Variants in GPC6 observed in about 807,000 individuals in gnomAD.
GPC6 encodes glypican 6.
In GPC6, 14 loss-of-function variants were observed where a neutral mutation model predicts 55.2. The ratio of observed to expected loss-of-function variants is 0.25; its 90% CI spans 0.17 to 0.40. The LOEUF (loss-of-function observed/expected upper bound fraction) is 0.40. Among genes scored for constraint, GPC6 ranks in the 10% least tolerant of loss-of-function variants. The pLI, the probability that GPC6 is intolerant of heterozygous loss-of-function variation, is 1.00. For missense variants in GPC6, 641 were observed against 708.5 expected, an observed-to-expected ratio of 0.90 and a Z score of 1.08; for synonymous variants, 278 against 259.6, an observed-to-expected ratio of 1.07 and a Z score of -0.68.
At position 93,830,199 on chromosome 13, in the gene GPC6, A is replaced by G. The variant is rs777987247; in HGVS notation, c.365A>G (p.Asp122Gly). 1.5e-5 allele frequency: 24 copies of G among 1,606,940 alleles called. No homozygotes were observed. Among genetic ancestry groups the G allele is most frequent in the Non-Finnish European group, 2.0e-5 (24 of 1,176,092 alleles). ...LLENAEKSLNDMFVRTYGMLY... is the reference protein window; with the variant it reads ...LLENAEKSLNGMFVRTYGMLY... ...GAGAATGCAGAAAAGTCACTAAATGATATGTTTGTACGGACCTATGGCATG... is the reference window on the plus strand; with the variant it reads ...GAGAATGCAGAAAAGTCACTAAATGGTATGTTTGTACGGACCTATGGCATG... Residue 122 changes from aspartate (D) to glycine (G), a missense_variant, in exon 3 of 9, where the codon GAT becomes GGT. By Grantham distance (94) the Asp-to-Gly change is moderately conservative (BLOSUM62 -1). Transcript: ENST00000377047.
At chr13:93,442,907 A>G (rs1373834) in intron 1 of GPC6, among the ~76,000 whole-genome samples, 47,473 of 152,054 alleles carry the variant, frequency 0.31, 7,549 homozygotes, top group East Asian at 0.36. Context: ...ATAACATTAT[A>G]CCAGCATTTC....
chr13:93,373,240 C>T (rs1213083910), intron 1 of GPC6, among the ~76,000 whole-genome samples: 7 of 152,046 alleles, frequency 4.6e-5, no homozygotes, highest in Non-Finnish European at 1.0e-4. Flanking sequence ...TTTAATGAAC[C>T]CCAAGTTAAT....
chr13:93,338,475 T>C (rs1044461300), intron 1 of GPC6, among the ~76,000 whole-genome samples: 3 of 152,206 alleles, frequency 2.0e-5, no homozygotes, highest in Non-Finnish European at 2.9e-5. Flanking sequence ...GTAGACCTTT[T>C]GAAATTCCAC....
intron 2 of GPC6, among the ~76,000 whole-genome samples, chr13:93,758,882 G>C (rs1282863499): frequency 2.0e-5 from 3 of 151,904 alleles, no homozygotes; most frequent in Non-Finnish European, 4.4e-5. Context: ...TTTAATGTGG[G>C]GCTCTCTATG....
intron 3 of GPC6, among the ~76,000 whole-genome samples, chr13:93,889,653 A>C (rs945783031): frequency 5.3e-5 from 8 of 152,060 alleles, no homozygotes; most frequent in African/African-American, 1.9e-4. Context: ...TAAGACTTTC[A>C]TTTTCCATTG....
At chr13:93,729,978 C>G (rs1320173715) in intron 2 of GPC6, among the ~76,000 whole-genome samples, 1 of 152,182 alleles carries the variant, frequency 6.6e-6, no homozygotes, top group African/African-American at 2.4e-5. Context: ...TTAACAATCT[C>G]TGCTGGAAGT....
At chr13:94,286,157 T>G (rs1892523814) in intron 4 of GPC6, among the ~76,000 whole-genome samples, 192 bp from the exon 5 acceptor site, 1 of 152,222 alleles carries the variant, frequency 6.6e-6, no homozygotes, top group Non-Finnish European at 1.5e-5. Flanking sequence ...TATAAAATAA[T>G]TTTGAATCTT....
At chr13:93,428,499 G>A (rs1157765074) in intron 1 of GPC6, among the ~76,000 whole-genome samples, 8 of 152,224 alleles carry the variant, frequency 5.3e-5, no homozygotes, top group Middle Eastern at 6.8e-3. Flanking sequence ...TGTTGAAAAT[G>A]TTCACTGCCT....
chr13:93,708,646 A>G (rs1301743087), intron 2 of GPC6, among the ~76,000 whole-genome samples: 4 of 151,748 alleles, frequency 2.6e-5, no homozygotes, highest in East Asian at 1.9e-4. Flanking sequence ...TCTATTTGTC[A>G]TAAGGATTTT....
intron 2 of GPC6, among the ~76,000 whole-genome samples, chr13:93,652,157 T>C (rs1337986694): frequency 2.0e-5 from 3 of 152,202 alleles, no homozygotes; most frequent in Admixed American, 2.0e-4. Context: ...AAAATACATT[T>C]TGCCTCTTCC....
At chr13:93,490,083 A>G (rs945393743) in intron 1 of GPC6, among the ~76,000 whole-genome samples, 3 of 151,422 alleles carry the variant, frequency 2.0e-5, no homozygotes, top group African/African-American at 7.2e-5. Context: ...TTGCCCATTC[A>G]GTATGATATT....
intron 4 of GPC6, among the ~76,000 whole-genome samples, chr13:94,108,951 T>G (rs1422154214): frequency 6.6e-6 from 1 of 152,256 alleles, no homozygotes; most frequent in African/African-American, 2.4e-5. Flanking sequence ...CTGCCTGACT[T>G]ACCACCTGTT....
At chr13:93,746,231 G>A (rs1291786321) in intron 2 of GPC6, among the ~76,000 whole-genome samples, 1 of 152,224 alleles carries the variant, frequency 6.6e-6, no homozygotes, top group Non-Finnish European at 1.5e-5. Context: ...GTGTCACAAT[G>A]CGAAGGTCAG....
intron 1 of GPC6, among the ~76,000 whole-genome samples, chr13:93,499,671 G>A (rs545478798): frequency 6.6e-6 from 1 of 152,318 alleles, no homozygotes; most frequent in Non-Finnish European, 1.5e-5. Context: ...TAGGGAGGCG[G>A]ATGCTGAGTG....
intron 4 of GPC6, among the ~76,000 whole-genome samples, chr13:94,035,689 C>G (rs1372315061): frequency 6.6e-6 from 1 of 151,996 alleles, no homozygotes; most frequent in African/African-American, 2.4e-5. Flanking sequence ...TGAATTAACA[C>G]ATCTTTGTGC....
intron 1 of GPC6, among the ~76,000 whole-genome samples, chr13:93,230,675 G>A (rs905325227): frequency 1.3e-5 from 2 of 152,064 alleles, no homozygotes; most frequent in African/African-American, 4.8e-5. Flanking sequence ...TGAATCATCA[G>A]GTTCTTTGTT....
intron 1 of GPC6, among the ~76,000 whole-genome samples, chr13:93,437,490 C>T (rs1877617033): frequency 6.6e-6 from 1 of 152,144 alleles, no homozygotes; most frequent in South Asian, 2.1e-4. Context: ...AGTGAAACAG[C>T]CTTATTGCTG....
intron 4 of GPC6, among the ~76,000 whole-genome samples, chr13:94,169,882 C>T (rs756571733): frequency 6.6e-6 from 1 of 151,776 alleles, no homozygotes; most frequent in Non-Finnish European, 1.5e-5. Flanking sequence ...TTCTCAGTTC[C>T]AGAGAAAATG....
At chr13:93,702,483 A>C (rs1436708653) in intron 2 of GPC6, among the ~76,000 whole-genome samples, 1 of 151,970 alleles carries the variant, frequency 6.6e-6, no homozygotes, top group African/African-American at 2.4e-5. Flanking sequence ...ACTTTAAGTC[A>C]CCAGTTTCAT....
Sources: allele counts gnomAD v4.1 joint callset (sites outside exome capture counted in the v4.1 genomes callset), GRCh38; gene constraint gnomAD v4.1.1; transcripts MANE v1.5; gene names NCBI Gene and HGNC (gene_info 2026-07-23, HGNC 2026-07-21).